Variants in SGCD observed in about 807,000 individuals in gnomAD.
SGCD encodes the protein delta-sarcoglycan.
A neutral mutation model predicts 36.6 loss-of-function variants in SGCD; 18 were observed. That is an observed-to-expected ratio of 0.49 (90% CI 0.34 to 0.73). The LOEUF (loss-of-function observed/expected upper bound fraction) is 0.73, where lower values mean the gene tolerates loss of function less well. Among genes scored for constraint, SGCD ranks in the 30% least tolerant of loss-of-function variants. SGCD has a pLI of 0.01. For synonymous variants in SGCD, 133 were observed against 130.6 expected, an observed-to-expected ratio of 1.02 and a Z score of -0.12; for missense variants, 387 against 346.7, an observed-to-expected ratio of 1.12 and a Z score of -0.92.
At chr5:156,024,851 G>A (rs561475647) in intron 1 of SGCD, among the ~76,000 whole-genome samples, 11 of 151,772 alleles carry the variant, frequency 7.2e-5, no homozygotes, top group East Asian at 1.9e-4. Context: ...TCAGCTACTC[G>A]GGAGGCTGAG....
intron 1 of SGCD, among the ~76,000 whole-genome samples, chr5:156,075,029 C>T (rs552725443): frequency 6.6e-6 from 1 of 152,164 alleles, no homozygotes; most frequent in African/African-American, 2.4e-5. Flanking sequence ...ATGCAGTTGC[C>T]CAAAGAGCTG....
chr5:156,161,098 C>T (rs887979910), intron 3 of SGCD, among the ~76,000 whole-genome samples: 1 of 151,674 alleles, frequency 6.6e-6, no homozygotes, highest in Non-Finnish European at 1.5e-5. Context: ...TACCATGTGT[C>T]TTTTTACTTA....
At chr5:155,966,649 C>T (rs1349335539) in intron 1 of SGCD, among the ~76,000 whole-genome samples, 3 of 152,054 alleles carry the variant, frequency 2.0e-5, no homozygotes, top group Non-Finnish European at 4.4e-5. Context: ...GTGATGTAAC[C>T]TCTCTGAGCC....
intron 1 of SGCD, among the ~76,000 whole-genome samples, chr5:156,085,932 G>T (rs889495032): frequency 6.6e-6 from 1 of 152,140 alleles, no homozygotes; most frequent in African/African-American, 2.4e-5. Context: ...TAAATTATTT[G>T]TTTCCATTTG....
At chr5:155,912,771 T>C (rs1305896479) in intron 1 of SGCD, among the ~76,000 whole-genome samples, 1 of 152,116 alleles carries the variant, frequency 6.6e-6, no homozygotes, top group Non-Finnish European at 1.5e-5. Flanking sequence ...TTTCTTTCTT[T>C]CTAATCAGTG....
chr5:156,188,938 G>A (rs576672083), intron 3 of SGCD, among the ~76,000 whole-genome samples: 1 of 152,210 alleles, frequency 6.6e-6, no homozygotes, highest in East Asian at 1.9e-4. Context: ...TGGTGTATAA[G>A]CTTCTGCACC....
At chr5:156,490,730 C>A (rs1023985692) in intron 3 of SGCD, among the ~76,000 whole-genome samples, 1 of 151,926 alleles carries the variant, frequency 6.6e-6, no homozygotes, top group Non-Finnish European at 1.5e-5. Flanking sequence ...TCATATATGA[C>A]AAACCCACAG....
chr5:156,748,706 C>T (rs138943370), intron 7 of SGCD, among the ~76,000 whole-genome samples: 11 of 152,200 alleles, frequency 7.2e-5, no homozygotes, highest in African/African-American at 2.2e-4. Flanking sequence ...GTTAATAAGA[C>T]ATATAATATG....
At chr5:155,793,953 GA>G in the SGCD span, among the ~76,000 whole-genome samples, 2,702 of 100,326 alleles carry the variant, frequency 0.027, 53 homozygotes, top group African/African-American at 0.079. Flanking sequence ...AAGCAAAAAT[GA>G]AAAAAAAAAA....
At chr5:156,561,956 C>T (rs1446894205) in intron 4 of SGCD, among the ~76,000 whole-genome samples, 4 of 152,108 alleles carry the variant, frequency 2.6e-5, no homozygotes, top group African/African-American at 9.7e-5. Flanking sequence ...AATAAGAGAA[C>T]TCATGCAGAG....
chr5:155,888,336 T>A (rs1211447814), intron 1 of SGCD, among the ~76,000 whole-genome samples: 1 of 152,204 alleles, frequency 6.6e-6, no homozygotes, highest in African/African-American at 2.4e-5. Flanking sequence ...TCTTACCAAC[T>A]TCTATCCTGC....
intron 1 of SGCD, among the ~76,000 whole-genome samples, chr5:156,021,975 A>G (rs1759114241): frequency 6.6e-6 from 1 of 152,164 alleles, no homozygotes; most frequent in African/African-American, 2.4e-5. Flanking sequence ...ATCTTTATCA[A>G]TTACAATATT....
chr5:156,705,643 CAG>C (rs1387037474), intron 7 of SGCD, among the ~76,000 whole-genome samples: 7 of 152,066 alleles, frequency 4.6e-5, no homozygotes, highest in Non-Finnish European at 7.4e-5. Flanking sequence ...ACCTGAAGGT[CAG>C]AGAGATATAG....
chr5:155,890,183 C>T (rs568056168), intron 1 of SGCD, among the ~76,000 whole-genome samples: 6 of 152,212 alleles, frequency 3.9e-5, no homozygotes, highest in Admixed American at 3.3e-4. Context: ...AGAACAACCA[C>T]CATGAAGAAA....
the SGCD span, among the ~76,000 whole-genome samples, chr5:155,851,160 C>T: frequency 2.0e-5 from 3 of 152,126 alleles, no homozygotes; most frequent in Non-Finnish European, 4.4e-5. Flanking sequence ...CACATATCAA[C>T]TTAGGATTCT....
intron 3 of SGCD, among the ~76,000 whole-genome samples, chr5:156,185,823 A>ATG (rs1258770652): frequency 8.1e-5 from 11 of 135,152 alleles, no homozygotes; most frequent in East Asian, 2.1e-4. Context: ...GGCCATATAT[A>ATG]TGTGTGTGTG....
chr5:156,061,012 A>G (rs887484406), intron 1 of SGCD, among the ~76,000 whole-genome samples: 1 of 145,296 alleles, frequency 6.9e-6, no homozygotes, highest in African/African-American at 2.5e-5. Context: ...GACTCTCACA[A>G]AAATTGATTT....
rs2113186659 is a variant in SGCD, at chr5:156,759,307, T to C, written c.790T>C (p.Cys264Arg). The part of the protein sequence containing the change: ...TGTRQKVFEI[C>R]VCANGRLFLS... ...AACGAGGCAGAAGGTCTTCGAGATC[T>C]GCGTCTGCGCCAATGGGAGATTATT... The change falls in exon 9 of 9, where the codon TGC becomes CGC. Residue 264 changes from cysteine (C) to arginine (R), a missense_variant. Transcript: ENST00000337851. The C allele has an allele frequency of 6.2e-7, 1 of 1,613,702 alleles. No homozygotes were observed.
the SGCD span, among the ~76,000 whole-genome samples, chr5:155,855,671 ACAGTG>A: frequency 2.0e-5 from 3 of 152,328 alleles, no homozygotes; most frequent in East Asian, 5.8e-4. Context: ...CTAATGTATT[ACAGTG>A]TATTTCTCAT....
Sources: gnomAD v4.1 joint callset for allele counts (sites outside exome capture counted in the v4.1 genomes callset) on GRCh38, gnomAD v4.1.1 for gene constraint, MANE v1.5 for transcripts, NCBI Gene and HGNC (gene_info 2026-07-23, HGNC 2026-07-21) for gene names.